Variants in NRF1 observed in about 807,000 individuals in gnomAD.
NRF1 encodes the protein nuclear respiratory factor 1.
A neutral mutation model predicts 58.5 loss-of-function variants in NRF1; 5 were observed. The observed-to-expected ratio is 0.09, with a 90% CI of 0.04 to 0.18. The LOEUF (loss-of-function observed/expected upper bound fraction) is 0.18, where lower values mean the gene tolerates loss of function less well. Among genes scored for constraint, NRF1 ranks in the 10% least tolerant of loss-of-function variants. NRF1 has a pLI of 1.00. For synonymous variants in NRF1, 224 were observed against 246.7 expected, an observed-to-expected ratio of 0.91 and a Z score of 0.86; for missense variants, 288 against 657.7, an observed-to-expected ratio of 0.44 and a Z score of 6.15.
intron 4 of NRF1, 50 bp from the exon 5 acceptor site, chr7:129,690,356 C>T: frequency 6.3e-7 from 1 of 1,584,220 alleles, no homozygotes; most frequent in Non-Finnish European, 8.6e-7. Context: ...GGCACCAATC[C>T]TCCCTGGTTG....
intron 10 of NRF1, among the ~76,000 whole-genome samples, chr7:129,751,565 A>G (rs1021381527): frequency 1.3e-5 from 2 of 152,260 alleles, no homozygotes; most frequent in African/African-American, 4.8e-5. Flanking sequence ...AACTTTGACA[A>G]TTCTTTTAGT....
intron 1 of NRF1, among the ~76,000 whole-genome samples, chr7:129,632,216 G>C (rs776932816): frequency 6.6e-6 from 1 of 152,146 alleles, no homozygotes; most frequent in Non-Finnish European, 1.5e-5. Flanking sequence ...TGAGGCTACA[G>C]TGAGGTGTGA....
chr7:129,624,596 C>T (rs1800873935), intron 1 of NRF1, among the ~76,000 whole-genome samples: 2 of 152,146 alleles, frequency 1.3e-5, no homozygotes, highest in South Asian at 4.1e-4. Context: ...GGAAACGTAA[C>T]CACCTACCAA....
intron 4 of NRF1, among the ~76,000 whole-genome samples, chr7:129,686,818 G>A (rs933619911): frequency 2.6e-5 from 4 of 152,230 alleles, no homozygotes; most frequent in Non-Finnish European, 5.9e-5. Flanking sequence ...AAAGGCGTAA[G>A]CTATGGTTTT....
At chr7:129,646,508 A>C (rs1219313910) in intron 1 of NRF1, among the ~76,000 whole-genome samples, 1 of 152,146 alleles carries the variant, frequency 6.6e-6, no homozygotes. Flanking sequence ...GTTTGGGGGA[A>C]CAGAAGAGAA....
intron 2 of NRF1, among the ~76,000 whole-genome samples, chr7:129,660,198 C>T (rs1179514685): frequency 6.6e-6 from 1 of 152,152 alleles, no homozygotes; most frequent in Non-Finnish European, 1.5e-5. Flanking sequence ...TTACCTCCCA[C>T]CGGGTCCTTC....
At chr7:129,722,421 G>A (rs1803350109) in intron 9 of NRF1, among the ~76,000 whole-genome samples, 1 of 151,894 alleles carries the variant, frequency 6.6e-6, no homozygotes, top group East Asian at 1.9e-4. Context: ...CTTTCTAGCA[G>A]TTTAGTTTGG....
intron 9 of NRF1, among the ~76,000 whole-genome samples, chr7:129,726,300 TATA>T (rs1178250424): frequency 2.0e-5 from 3 of 152,216 alleles, no homozygotes; most frequent in Admixed American, 6.5e-5. Context: ...GATGGCAAAT[TATA>T]ATCTTACAAT....
chr7:129,715,662 G>A (rs1354980309), intron 8 of NRF1, among the ~76,000 whole-genome samples: 1 of 152,152 alleles, frequency 6.6e-6, no homozygotes, highest in African/African-American at 2.4e-5. Context: ...AGCACTGTTT[G>A]TTAATAGCAA....
intron 10 of NRF1, among the ~76,000 whole-genome samples, chr7:129,748,190 A>T (rs1255871192): frequency 7.2e-6 from 1 of 138,884 alleles, no homozygotes; most frequent in African/African-American, 2.7e-5. Context: ...CAGGAGAATC[A>T]CTTGAACCTG....
intron 1 of NRF1, among the ~76,000 whole-genome samples, chr7:129,614,569 A>G (rs1800623157): frequency 6.6e-6 from 1 of 151,718 alleles, no homozygotes; most frequent in African/African-American, 2.4e-5. Flanking sequence ...CACCCACCTC[A>G]GCCTCCCCAG....
intron 1 of NRF1, among the ~76,000 whole-genome samples, chr7:129,634,289 C>A (rs1801123869): frequency 6.6e-6 from 1 of 152,014 alleles, no homozygotes; most frequent in Non-Finnish European, 1.5e-5. Flanking sequence ...TGGATTTTGA[C>A]AAATATATAA....
chr7:129,634,088 T>C (rs1801119979), intron 1 of NRF1, among the ~76,000 whole-genome samples: 1 of 138,206 alleles, frequency 7.2e-6, no homozygotes, highest in African/African-American at 2.7e-5. Context: ...ACACACACTT[T>C]ATTTTTTAGA....
chr7:129,679,378 TA>T (rs748573685), intron 4 of NRF1, among the ~76,000 whole-genome samples: 9 of 152,140 alleles, frequency 5.9e-5, no homozygotes, highest in Non-Finnish European at 1.2e-4. Context: ...TCATGTCTGA[TA>T]AAAAAACTTT....
chr7:129,622,790 G>A (rs1800829601), intron 1 of NRF1, among the ~76,000 whole-genome samples: 2 of 151,954 alleles, frequency 1.3e-5, no homozygotes, highest in African/African-American at 4.8e-5. Context: ...GGCTAGTTTT[G>A]AACTCCTGAC....
chr7:129,677,860 C>G, intron 4 of NRF1, 102 bp downstream of exon 4: 5 of 1,408,154 alleles, frequency 3.6e-6, no homozygotes, highest in African/African-American at 1.4e-5. Context: ...TTTCTGTTAC[C>G]CCCTAATCCA....
At chr7:129,616,639 G>A (rs1800665728) in intron 1 of NRF1, among the ~76,000 whole-genome samples, 1 of 152,140 alleles carries the variant, frequency 6.6e-6, no homozygotes, top group Non-Finnish European at 1.5e-5. Context: ...TACCACATTT[G>A]TAATCTCTTG....
intron 1 of NRF1, among the ~76,000 whole-genome samples, chr7:129,634,037 AAAAAAGAT>A (rs1407976661): frequency 3.3e-4 from 25 of 75,104 alleles, no homozygotes; most frequent in African/African-American, 1.6e-3. Flanking sequence ...TTTAAAAAAA[AAAAAAGAT>A]ATATATATAT....
chr7:129,744,109 G>A (rs1803912550), intron 10 of NRF1: 4 of 1,443,168 alleles, frequency 2.8e-6, no homozygotes, highest in Non-Finnish European at 3.7e-6. Context: ...CAGCGGGGCT[G>A]GTGGCCCATC....
Sources: gnomAD v4.1 joint callset for allele counts (sites outside exome capture counted in the v4.1 genomes callset) on GRCh38, gnomAD v4.1.1 for gene constraint, MANE v1.5 for transcripts, NCBI Gene and HGNC (gene_info 2026-07-23, HGNC 2026-07-21) for gene names.